Variants in AKT1S1 observed in about 807,000 individuals in gnomAD.
AKT1S1 encodes the protein proline-rich AKT1 substrate 1.
AKT1S1 carries 17 observed loss-of-function variants against 21.2 expected under a neutral mutation model. That is an observed-to-expected ratio of 0.80 (90% CI 0.55 to 1.20). The LOEUF (loss-of-function observed/expected upper bound fraction) is 1.20. Ranked by LOEUF, AKT1S1 falls within the 50% of genes most tolerant of loss-of-function variation. AKT1S1 has a pLI of 0.00. For missense variants in AKT1S1, 366 were observed against 368.3 expected, an observed-to-expected ratio of 0.99 and a Z score of 0.05; for synonymous variants, 181 against 165.6, an observed-to-expected ratio of 1.09 and a Z score of -0.72.
chr19:49,878,045 C>A, upstream of AKT1S1: 1 of 1,021,960 alleles, frequency 9.8e-7, no homozygotes, highest in African/African-American at 1.6e-5. Flanking sequence ...CCCGGCCCCG[C>A]CCCCTGAGGG....
chr19:49,870,117 A>T, intron 4 of AKT1S1, 57 bp from the exon 5 acceptor site: 1 of 1,432,868 alleles, frequency 7.0e-7, no homozygotes, highest in Non-Finnish European at 9.2e-7. Flanking sequence ...CCCTGCACCC[A>T]CACGCGGTCC....
chr19:49,873,520 A>C lies in AKT1S1; in HGVS notation c.-7-218T>G. 7 of 816,524 alleles carry C rather than the reference A, an allele frequency of 8.6e-6. No homozygotes were observed. The highest frequency in any genetic ancestry group is 1.2e-5 in the Non-Finnish European group (7 of 582,226). 50.6% of individuals were successfully genotyped at this position (816,524 alleles called of 1,614,324 possible). On this transcript the variant is annotated intron_variant, in intron 1 of 4. Coordinates refer to ENST00000344175, the MANE Select transcript of AKT1S1 (RefSeq NM_001098633.4). This position sits in a 1 kb window ranked among gnomAD's most constrained non-coding sequence, Gnocchi z 6.9. ...CTGGCGACGTCCTCTGCCCCAACCC[A>C]TTCCTCCTGCCCCAAGTCACTGTAC...
chr19:49,876,848 A>G, intron 1 of AKT1S1: 1 of 529,414 alleles, frequency 1.9e-6, no homozygotes, highest in Non-Finnish European at 3.1e-6. Context: ...CCCAACAATA[A>G]TGGCCGTCCT....
Position 49,873,248 on chromosome 19 carries a change from G to A in AKT1S1, c.48C>T (p.Ala16=), listed in dbSNP as rs376815125. 230 of 1,535,062 alleles carry A rather than the reference G, an allele frequency of 1.5e-4. No homozygotes were observed. Among genetic ancestry groups the A allele is most frequent in the African/African-American group, 1.1e-3 (78 of 70,526 alleles). The part of the protein sequence containing the change: ...PEELWEAVVG[A]AERFRARTGT... ...CAGTCCGGGCCCGGAAGCGCTCAGCGGCCCCCACCACGGCCTCCCACAGCT... is the reference window on the plus strand; with the variant it reads ...CAGTCCGGGCCCGGAAGCGCTCAGCAGCCCCCACCACGGCCTCCCACAGCT... The change falls in exon 2 of 5, where the codon GCC becomes GCT. Residue 16 remains alanine (A), a synonymous_variant. Coordinates refer to ENST00000344175, the MANE Select transcript of AKT1S1 (RefSeq NM_001098633.4). The surrounding 1 kb of genome is among the most constrained non-coding windows in gnomAD (Gnocchi z 6.9).
upstream of AKT1S1, chr19:49,877,866 T>G: frequency 2.2e-5 from 27 of 1,233,056 alleles, no homozygotes; most frequent in Non-Finnish European, 3.0e-5. Context: ...CACCGATCTC[T>G]TATAAACGCG....
chr19:49,876,151 T>A (rs966018946), intron 1 of AKT1S1: 1 of 996,710 alleles, frequency 1.0e-6, no homozygotes, highest in Admixed American at 6.0e-5. Context: ...GCGGTAGCCA[T>A]GGGGTGAGCG....
intron 4 of AKT1S1, 41 bp from the exon 5 acceptor site, chr19:49,870,101 C>G (rs776194620): frequency 6.8e-7 from 1 of 1,472,396 alleles, no homozygotes; most frequent in Non-Finnish European, 9.0e-7. Flanking sequence ...GCCGGCAGGG[C>G]AATCCCCCTG....
intron 1 of AKT1S1, chr19:49,876,032 T>C: frequency 1.0e-6 from 1 of 985,358 alleles, no homozygotes; most frequent in Non-Finnish European, 1.2e-6. Flanking sequence ...CTGTCCTCTT[T>C]GGATGCAGGG....
chr19:49,869,706 C>A lies in AKT1S1; in HGVS notation c.*211G>T. The A allele has an allele frequency of 2.0e-6, 1 of 497,974 alleles. No individual in the cohort carries two copies. Among genetic ancestry groups the A allele is most frequent in the Non-Finnish European group, 3.4e-6 (1 of 293,056 alleles). The allele number at this position is 497,974 out of a possible 1,614,324, so 30.8% of individuals were successfully genotyped here. A position where few individuals can be genotyped will look rare whatever the true frequency, so the allele number is the denominator to read the frequency against. ...GCTAGGCGGAGAGAGACGACAGACC[C>A]AATCGGGAAACGGGACAGATGCCGC... is the stretch of plus-strand genomic sequence containing the variant. On this transcript the variant is annotated 3_prime_UTR_variant, in exon 5 of 5. Transcript: ENST00000344175.
In AKT1S1 at chr19:49,876,789, C is replaced by T. The variant is rs374755927; in HGVS notation, c.-8+448G>A. On this transcript the variant is annotated intron_variant, in intron 1 of 4. Transcript: ENST00000344175. ...CCGAACCAGTTGACAAGGGTGACGA[C>T]AGCTTGCCCCTAAGAAAAATGGCCC... 22 of 1,081,740 alleles carry T rather than the reference C, an allele frequency of 2.0e-5. No homozygotes were observed. In the African/African-American group the frequency reaches 3.5e-4, roughly 17 times the overall value. 67.0% of individuals were successfully genotyped at this position (1,081,740 alleles called of 1,614,324 possible). A position where few individuals can be genotyped will look rare whatever the true frequency, so the allele number is the denominator to read the frequency against.
intron 2 of AKT1S1, 71 bp from the exon 3 acceptor site, chr19:49,871,960 G>T: frequency 6.7e-7 from 1 of 1,486,060 alleles, no homozygotes. Context: ...CTCCTCCTCA[G>T]CCACGGCCAC....
At chr19:49,876,537 C>G (rs939978236) in intron 1 of AKT1S1, 26 of 1,461,164 alleles carry the variant, frequency 1.8e-5, no homozygotes, top group Middle Eastern at 1.8e-4. Context: ...GCCCTCCCAG[C>G]GCCCCGCTGC....
Position 49,873,760 on chromosome 19 carries a change from G to A in AKT1S1, c.-7-458C>T, listed in dbSNP as rs951759248. 6.2e-6 allele frequency: 1 copy of A among 161,506 alleles called. No homozygotes were observed. The highest frequency in any genetic ancestry group is 1.3e-5 in the Non-Finnish European group (1 of 75,828). The allele number at this position is 161,506 out of a possible 1,614,324, so 10.0% of individuals were successfully genotyped here. On this transcript the variant is annotated intron_variant, in intron 1 of 4. Transcript: ENST00000344175. The surrounding 1 kb of genome is among the most constrained non-coding windows in gnomAD (Gnocchi z 6.9). ...CAACCCCAGCACTTTGGGAGGCCGA[G>A]GCAGGCGGATCACCGAGCCCAAGAG...
chr19:49,871,450 T>C (rs987250470), intron 4 of AKT1S1, 97 bp downstream of exon 4: 1 of 1,510,418 alleles, frequency 6.6e-7, no homozygotes, highest in Non-Finnish European at 9.1e-7. Flanking sequence ...AGTTAGCTTA[T>C]GGGTGGAAAG....
rs1296562119 is a variant in AKT1S1 at position 49,873,335 on chromosome 19, G to T, written c.-7-33C>A. The T allele has an allele frequency of 1.4e-6, 2 of 1,411,092 alleles. No individual in the cohort carries two copies. The highest frequency in any genetic ancestry group is 5.8e-5 in the East Asian group (2 of 34,240). The allele number at this position is 1,411,092 out of a possible 1,614,324, so 87.4% of individuals were successfully genotyped here. The stretch of plus-strand genomic sequence containing the variant: ...CCAGAGCAGGACAGAGGGGGCTGAG[G>T]CTTGGCGGCCTACATCATCGCCACC... On this transcript the variant is annotated intron_variant, in intron 1 of 4. Coordinates refer to ENST00000344175, the MANE Select transcript of AKT1S1 (RefSeq NM_001098633.4). The surrounding 1 kb of genome is among the most constrained non-coding windows in gnomAD (Gnocchi z 6.9).
intron 1 of AKT1S1, chr19:49,876,605 GC>G: frequency 6.6e-7 from 1 of 1,526,328 alleles, no homozygotes; most frequent in Non-Finnish European, 8.8e-7. Flanking sequence ...CCACTCACGT[GC>G]CCGTAGCCAG....
At chr19:49,876,186 G>A (rs1402974133) in intron 1 of AKT1S1, 6 of 1,013,128 alleles carry the variant, frequency 5.9e-6, no homozygotes, top group Admixed American at 1.2e-4. Context: ...CAGCTGCCCC[G>A]AGACCTCCCA....
At position 49,873,896 on chromosome 19, in the gene AKT1S1, A is replaced by C. The variant is rs1287503063; in HGVS notation, c.-7-594T>G. The C allele has an allele frequency of 6.6e-6, 1 of 152,008 alleles. No homozygotes were observed. Among genetic ancestry groups the C allele is most frequent in the African/African-American group, 2.4e-5 (1 of 41,362 alleles). 9.4% of individuals were successfully genotyped at this position (152,008 alleles called of 1,614,324 possible). A position where few individuals can be genotyped will look rare whatever the true frequency, so the allele number is the denominator to read the frequency against. On this transcript the variant is annotated intron_variant, in intron 1 of 4. Transcript: ENST00000344175. The surrounding 1 kb of genome is among the most constrained non-coding windows in gnomAD (Gnocchi z 6.9). ...AGAATTCCACGTGGGGCTTGTGTTG[A>C]ATTTGATGGATGATGCCACCCTGCT... is the stretch of plus-strand genomic sequence containing the variant.
At chr19:49,876,727 C>T in intron 1 of AKT1S1, 1 of 1,400,984 alleles carries the variant, frequency 7.1e-7, no homozygotes, top group Non-Finnish European at 9.3e-7. Flanking sequence ...CTTATCGGGG[C>T]CGCCCGAGAT....
Sources: gnomAD v4.1 joint callset for allele counts on GRCh38, gnomAD v4.1.1 for gene constraint, Gnocchi (gnomAD v3.1) non-coding constraint, MANE v1.5 for transcripts, NCBI Gene and HGNC (gene_info 2026-07-23, HGNC 2026-07-21) for gene names.